UTRN: variants seen among roughly 807,000 people sequenced by gnomAD.
The protein encoded by UTRN is dystrophin-related protein 1.
A neutral mutation model predicts 463.9 loss-of-function variants in UTRN; 283 were observed. The ratio of observed to expected loss-of-function variants is 0.61; its 90% CI spans 0.55 to 0.67. The LOEUF (loss-of-function observed/expected upper bound fraction) is 0.67. Among genes scored for constraint, UTRN ranks in the 30% least tolerant of loss-of-function variants. The probability of loss-of-function intolerance (pLI) is 0.00; values close to 1 mark genes in which losing one functional copy is unlikely to be tolerated. For synonymous variants in UTRN, 1,442 were observed against 1,431.5 expected (o/e 1.01, Z -0.17); for missense variants, 3,922 against 4,084.3 (o/e 0.96, Z 1.08).
At chr6:144,404,462 C>T (rs375243318) in intron 3 of UTRN, among the ~76,000 whole-genome samples, 16 of 152,268 alleles carry the variant, frequency 1.1e-4, no homozygotes, top group African/African-American at 3.4e-4. Flanking sequence ...GTTTTAGCAA[C>T]TGGGAGTCTG....
chr6:144,710,395 A>G (rs1043570804), intron 53 of UTRN, among the ~76,000 whole-genome samples: 2 of 152,212 alleles, frequency 1.3e-5, no homozygotes, highest in African/African-American at 4.8e-5. Flanking sequence ...GAAGCCCCAT[A>G]GCAAAGACTC....
Position 144,700,123 on chromosome 6 carries a change from G to A in UTRN, c.7689G>A (p.Arg2563=). Residue 2563 remains arginine, a synonymous_variant, in exon 53 of 75, where the codon AGG becomes AGA. Transcript: ENST00000367545. ...AGGCCAGCGCTGAGAAGTGGAACAGGTTGCTGATGTCCTTAGAAGAACTGA... is the reference window on the plus strand; with the variant it reads ...AGGCCAGCGCTGAGAAGTGGAACAGATTGCTGATGTCCTTAGAAGAACTGA... ...HLEASAEKWN[R]LLMSLEELIK... 1 of 1,612,710 alleles carries A rather than the reference G, an allele frequency of 6.2e-7. No homozygotes were observed. The highest frequency in any genetic ancestry group is 1.3e-5 in the African/African-American group (1 of 74,998).
At chr6:144,327,561 G>T (rs1776050638) in intron 2 of UTRN, among the ~76,000 whole-genome samples, 1 of 152,090 alleles carries the variant, frequency 6.6e-6, no homozygotes, top group Non-Finnish European at 1.5e-5. Context: ...GGATTTTAAT[G>T]GTTGGCTGAT....
intron 34 of UTRN, among the ~76,000 whole-genome samples, chr6:144,504,354 A>T (rs968541192): frequency 1.3e-5 from 2 of 152,200 alleles, no homozygotes; most frequent in African/African-American, 4.8e-5. Context: ...TTGCCCATTC[A>T]ATATGATATT....
At chr6:144,788,310 A>G (rs913537353) in intron 61 of UTRN, among the ~76,000 whole-genome samples, 6 of 152,198 alleles carry the variant, frequency 3.9e-5, no homozygotes, top group Non-Finnish European at 7.4e-5. Flanking sequence ...AAAATTAACT[A>G]TATACTGAGG....
At chr6:144,713,258 G>A (rs528027343) in intron 53 of UTRN, among the ~76,000 whole-genome samples, 2 of 152,250 alleles carry the variant, frequency 1.3e-5, no homozygotes, top group East Asian at 1.9e-4. Context: ...TACTCAACCT[G>A]TATTGCATAT....
At chr6:144,456,378 G>A (rs1389351853) in intron 19 of UTRN, among the ~76,000 whole-genome samples, 1 of 152,056 alleles carries the variant, frequency 6.6e-6, no homozygotes. Flanking sequence ...CGTGAGGCTG[G>A]GCGCAGTGGC....
chr6:144,711,473 T>C (rs1475155617), intron 53 of UTRN, among the ~76,000 whole-genome samples: 1 of 152,214 alleles, frequency 6.6e-6, no homozygotes, highest in East Asian at 1.9e-4. Context: ...CAACTTCCCT[T>C]TCAAGAATGT....
chr6:144,806,614 C>T lies in UTRN; in HGVS notation c.9357+3467C>T, dbSNP rs937116692. Among the ~76,000 whole-genome samples the T allele has an allele frequency of 2.7e-4, 28 of 102,234 alleles. 4 individuals carry two copies. The highest frequency in any genetic ancestry group is 5.3e-4 in the Non-Finnish European group (24 of 45,552). The allele number at this position is 102,234 out of a possible 152,430, so 67.1% of individuals were successfully genotyped here. On this transcript the variant is annotated intron_variant, in intron 65 of 74. Coordinates refer to ENST00000367545, the MANE Select transcript of UTRN (RefSeq NM_007124.3). ...TTCTCTGAAGCCACAGAGAAAGATG[C>T]ATCTCTTTACAACTAAACTAATCAG... is the stretch of plus-strand genomic sequence containing the variant.
intron 2 of UTRN, among the ~76,000 whole-genome samples, chr6:144,388,934 C>T (rs1436404928): frequency 6.6e-6 from 1 of 152,166 alleles, no homozygotes; most frequent in Non-Finnish European, 1.5e-5. Flanking sequence ...TCTAATGTTG[C>T]ATTTTCCTGG....
chr6:144,689,719 C>G (rs1312374762), intron 52 of UTRN, among the ~76,000 whole-genome samples: 4 of 152,170 alleles, frequency 2.6e-5, no homozygotes, highest in Admixed American at 6.5e-5. Context: ...GATGTAGACT[C>G]TGTGATATTC....
At chr6:144,327,817 A>G (rs1776068517) in intron 2 of UTRN, among the ~76,000 whole-genome samples, 1 of 151,940 alleles carries the variant, frequency 6.6e-6, no homozygotes. Flanking sequence ...GGTGGCGGGT[A>G]CCTGGAATCC....
At chr6:144,338,316 C>T (rs1450701620) in intron 2 of UTRN, among the ~76,000 whole-genome samples, 2 of 151,780 alleles carry the variant, frequency 1.3e-5, no homozygotes, top group African/African-American at 4.8e-5. Context: ...GTAGAATTTC[C>T]TAGCTGGACA....
intron 3 of UTRN, among the ~76,000 whole-genome samples, chr6:144,417,217 G>A (rs1784431089): frequency 6.6e-6 from 1 of 152,162 alleles, no homozygotes; most frequent in Non-Finnish European, 1.5e-5. Context: ...CCACTCCAGT[G>A]ATTAAATATT....
intron 54 of UTRN, among the ~76,000 whole-genome samples, chr6:144,744,494 A>T (rs73593823): frequency 1.7e-3 from 259 of 149,010 alleles, no homozygotes; most frequent in African/African-American, 6.1e-3. Context: ...AAATATATAT[A>T]TTTTCTTCTG....
chr6:144,717,844 T>C (rs2128707174), intron 53 of UTRN, among the ~76,000 whole-genome samples: 1 of 151,828 alleles, frequency 6.6e-6, no homozygotes, highest in East Asian at 1.9e-4. Context: ...ACCATGTTGA[T>C]CAGGCTGGTC....
chr6:144,658,521 C>T (rs535012946), intron 51 of UTRN, among the ~76,000 whole-genome samples: 93 of 150,694 alleles, frequency 6.2e-4, no homozygotes, highest in Non-Finnish European at 1.2e-3. Context: ...TTAGGAGATG[C>T]ATATTCTGAT....
intron 52 of UTRN, among the ~76,000 whole-genome samples, chr6:144,682,399 T>C (rs1259442020): frequency 6.6e-6 from 1 of 152,230 alleles, no homozygotes; most frequent in Admixed American, 6.5e-5. Context: ...AACACTTAGG[T>C]TGCTTCCAAA....
chr6:144,411,127 T>G (rs1783861457), intron 3 of UTRN, among the ~76,000 whole-genome samples: 1 of 152,184 alleles, frequency 6.6e-6, no homozygotes, highest in African/African-American at 2.4e-5. Context: ...CTACTTTTAG[T>G]TCTTTAAGGA....
Sources: gnomAD v4.1 joint callset for allele counts (sites outside exome capture counted in the v4.1 genomes callset) on GRCh38, gnomAD v4.1.1 for gene constraint, MANE v1.5 for transcripts, NCBI Gene and HGNC (gene_info 2026-07-23, HGNC 2026-07-21) for gene names.